Variants in HS6ST3 observed in about 807,000 individuals in gnomAD.
HS6ST3 encodes the protein heparan-sulfate 6-O-sulfotransferase 3.
HS6ST3 carries 12 observed loss-of-function variants against 36.7 expected under a neutral mutation model. The observed-to-expected ratio is 0.33, with a 90% CI of 0.21 to 0.53. The LOEUF (loss-of-function observed/expected upper bound fraction) is 0.53, where lower values mean the gene tolerates loss of function less well. Among genes scored for constraint, HS6ST3 ranks in the 20% least tolerant of loss-of-function variants. HS6ST3 has a pLI of 0.95. For synonymous variants in HS6ST3, 240 were observed against 257.5 expected (o/e 0.93, Z 0.65); for missense variants, 584 against 640.9 (o/e 0.91, Z 0.96).
Position 96,833,177 on chromosome 13 carries a change from C to T in HS6ST3, c.1395C>T (p.Asn465=). Residue 465 remains asparagine (N), a synonymous_variant, in exon 2 of 2, where the codon AAC becomes AAT. Transcript: ENST00000376705. Reference sequence around the variant, plus strand: ...AAGGGACTGTCACCGAGGACTACAACAGCCAGGTGGTGAGATGGTGACCTC... The same window carrying T: ...AAGGGACTGTCACCGAGGACTACAATAGCCAGGTGGTGAGATGGTGACCTC... ...AAEGTVTEDY[N]SQVVRW 1 of 1,573,994 alleles carries T rather than the reference C, an allele frequency of 6.4e-7. No homozygotes were observed. Among genetic ancestry groups the T allele is most frequent in the South Asian group, 1.2e-5 (1 of 86,178 alleles).
intron 1 of HS6ST3, among the ~76,000 whole-genome samples, chr13:96,415,025 T>A (rs2055526175): frequency 6.7e-6 from 1 of 149,714 alleles, no homozygotes; most frequent in Admixed American, 6.6e-5. Flanking sequence ...TTAGCTCTTA[T>A]AGTTATATTA....
At chr13:96,262,966 T>G (rs2054673913) in intron 1 of HS6ST3, among the ~76,000 whole-genome samples, 1 of 152,188 alleles carries the variant, frequency 6.6e-6, no homozygotes, top group African/African-American at 2.4e-5. Context: ...CAGAATAATG[T>G]TTTCTTAAGT....
At chr13:96,104,592 C>G (rs755817403) in intron 1 of HS6ST3, among the ~76,000 whole-genome samples, 1 of 152,254 alleles carries the variant, frequency 6.6e-6, no homozygotes. Flanking sequence ...GCCCACACCC[C>G]TAACTACTTG....
intron 1 of HS6ST3, among the ~76,000 whole-genome samples, chr13:96,374,792 A>G (rs2055306853): frequency 6.6e-6 from 1 of 152,104 alleles, no homozygotes; most frequent in African/African-American, 2.4e-5. Flanking sequence ...CATGATCAAT[A>G]TCTATAAAAC....
chr13:96,090,370 G>A lies in HS6ST3; in HGVS notation c.-493G>A, dbSNP rs1008363910. ...CCGGGCGCGGTGCCCGCGGCCGGCC[G>A]GGGCGGCGGGAGCGGGCCGCGCCTT... On this transcript the variant is annotated 5_prime_UTR_variant, in exon 1 of 2. Coordinates refer to ENST00000376705, the MANE Select transcript of HS6ST3 (RefSeq NM_153456.4). Among the ~76,000 whole-genome samples, 2 of 146,248 alleles carry A rather than the reference G, an allele frequency of 1.4e-5. No individual in the cohort carries two copies. The highest frequency in any genetic ancestry group is 2.1e-4 in the South Asian group (1 of 4,798).
intron 1 of HS6ST3, among the ~76,000 whole-genome samples, chr13:96,205,049 GT>G (rs139220258): frequency 0.041 from 6,260 of 151,552 alleles, 208 homozygotes; most frequent in African/African-American, 0.087. Context: ...AAATCCAGGA[GT>G]TTTTTTTGAA....
chr13:96,103,953 GTT>G (rs58261240), intron 1 of HS6ST3, among the ~76,000 whole-genome samples: 121,917 of 145,660 alleles, frequency 0.84, 50,854 homozygotes, highest in East Asian at 0.91. Context: ...GGTTTGAGGT[GTT>G]TTTTTTTTTT....
chr13:96,341,937 G>A (rs1041479566), intron 1 of HS6ST3, among the ~76,000 whole-genome samples: 2 of 152,116 alleles, frequency 1.3e-5, no homozygotes, highest in East Asian at 3.9e-4. Flanking sequence ...TACATATTTA[G>A]CAGTGATTTT....
At chr13:96,675,365 A>G (rs2056695734) in intron 1 of HS6ST3, among the ~76,000 whole-genome samples, 1 of 152,142 alleles carries the variant, frequency 6.6e-6, no homozygotes, top group Non-Finnish European at 1.5e-5. Context: ...TGTTACATTT[A>G]AATATATATT....
chr13:96,698,746 G>GA (rs1875201326), intron 1 of HS6ST3, among the ~76,000 whole-genome samples: 1 of 151,964 alleles, frequency 6.6e-6, no homozygotes, highest in African/African-American at 2.4e-5. Context: ...CACAGAATTG[G>GA]AAAAAACTAG....
chr13:96,346,655 A>T (rs1041796088), intron 1 of HS6ST3, among the ~76,000 whole-genome samples: 1 of 152,102 alleles, frequency 6.6e-6, no homozygotes, highest in Non-Finnish European at 1.5e-5. Flanking sequence ...CCTGCTAGAG[A>T]ATTGGAAATG....
chr13:96,253,485 C>T (rs949679751), intron 1 of HS6ST3, among the ~76,000 whole-genome samples: 1 of 152,098 alleles, frequency 6.6e-6, no homozygotes, highest in Non-Finnish European at 1.5e-5. Context: ...TATCCACTCC[C>T]GATTTTTTTG....
At chr13:96,821,330 T>A (rs946825076) in intron 1 of HS6ST3, among the ~76,000 whole-genome samples, 3 of 152,234 alleles carry the variant, frequency 2.0e-5, no homozygotes, top group African/African-American at 7.2e-5. Context: ...CCTGTGATGT[T>A]CATTTTGCAT....
intron 1 of HS6ST3, among the ~76,000 whole-genome samples, chr13:96,519,828 G>T (rs1481018279): frequency 6.6e-6 from 1 of 152,112 alleles, no homozygotes. Flanking sequence ...TTCTGCTGGG[G>T]TTACCTCCAT....
At chr13:96,371,261 G>T (rs139380610) in intron 1 of HS6ST3, among the ~76,000 whole-genome samples, 1 of 152,092 alleles carries the variant, frequency 6.6e-6, no homozygotes, top group African/African-American at 2.4e-5. Context: ...TTTCATGGTG[G>T]TCTTAATTTG....
chr13:96,457,317 C>A (rs2055758985), intron 1 of HS6ST3, among the ~76,000 whole-genome samples: 1 of 152,048 alleles, frequency 6.6e-6, no homozygotes, highest in Admixed American at 6.5e-5. Context: ...GGATGGACTA[C>A]TTTAAGACAA....
intron 1 of HS6ST3, among the ~76,000 whole-genome samples, chr13:96,100,692 C>T (rs1213192037): frequency 6.6e-6 from 1 of 152,104 alleles, no homozygotes; most frequent in African/African-American, 2.4e-5. Flanking sequence ...TCCATTTCCT[C>T]CTATTGTCTT....
intron 1 of HS6ST3, among the ~76,000 whole-genome samples, chr13:96,093,123 C>T (rs1295865667): frequency 6.6e-6 from 1 of 152,120 alleles, no homozygotes; most frequent in Admixed American, 6.5e-5. Flanking sequence ...CCTGATTGAC[C>T]TCAAAGGGTT....
At chr13:96,300,047 CTTTTTTTTTTTT>C (rs11350737) in intron 1 of HS6ST3, among the ~76,000 whole-genome samples, 49 of 74,578 alleles carry the variant, frequency 6.6e-4, no homozygotes, top group African/African-American at 2.5e-3. Context: ...AAGTGCTACA[CTTTTTTTTTTTT>C]TTTTTTTTTT....
Sources: allele counts gnomAD v4.1 joint callset (sites outside exome capture counted in the v4.1 genomes callset), GRCh38; gene constraint gnomAD v4.1.1; transcripts MANE v1.5; gene names NCBI Gene and HGNC (gene_info 2026-07-23, HGNC 2026-07-21).